CHSY3: variants seen among roughly 807,000 people sequenced by gnomAD.
CHSY3 encodes the protein chondroitin sulfate synthase 3, also known as N-acetylgalactosaminyl-proteoglycan 3-beta-glucuronosyltransferase 3.
CHSY3 carries 35 observed loss-of-function variants against 67.2 expected under a neutral mutation model. The ratio of observed to expected loss-of-function variants is 0.52; its 90% CI spans 0.40 to 0.69. CHSY3 has a LOEUF of 0.69. CHSY3 is among the 30% of genes least tolerant of loss of function. CHSY3 has a pLI of 0.00. For synonymous variants in CHSY3, 474 were observed against 434.7 expected, an observed-to-expected ratio of 1.09 and a Z score of -1.12; for missense variants, 1,069 against 1,138.5, an observed-to-expected ratio of 0.94 and a Z score of 0.88.
chr5:129,952,634 G>T (rs548575414), intron 2 of CHSY3, among the ~76,000 whole-genome samples: 9 of 152,190 alleles, frequency 5.9e-5, no homozygotes, highest in African/African-American at 2.2e-4. Context: ...TATAGAATTT[G>T]CCTAGCCTGT....
chr5:130,147,293 T>C (rs1769102562), intron 2 of CHSY3, among the ~76,000 whole-genome samples: 1 of 152,224 alleles, frequency 6.6e-6, no homozygotes, highest in Non-Finnish European at 1.5e-5. Flanking sequence ...TGAGCCAAAC[T>C]CTTTAAAGCA....
chr5:129,961,515 C>T (rs2149607825), intron 2 of CHSY3, among the ~76,000 whole-genome samples: 1 of 152,070 alleles, frequency 6.6e-6, no homozygotes, highest in South Asian at 2.1e-4. Flanking sequence ...ACACAGTATG[C>T]ACTTAGCCCT....
chr5:130,074,160 T>A (rs1054604044), intron 2 of CHSY3, among the ~76,000 whole-genome samples: 7 of 152,162 alleles, frequency 4.6e-5, no homozygotes, highest in Admixed American at 2.6e-4. Flanking sequence ...AACCTCCTCC[T>A]TCCAGGTTCA....
intron 2 of CHSY3, among the ~76,000 whole-genome samples, chr5:130,108,985 A>G (rs1767505865): frequency 6.6e-6 from 1 of 151,742 alleles, no homozygotes. Context: ...CCATTTGACT[A>G]TGAAGACATA....
intron 2 of CHSY3, among the ~76,000 whole-genome samples, chr5:130,010,254 T>C (rs1364586281): frequency 6.6e-6 from 1 of 152,134 alleles, no homozygotes; most frequent in Middle Eastern, 3.4e-3. Context: ...CTCAACAAAT[T>C]ATAAAAACCA....
At chr5:129,950,610 T>C (rs748892506) in intron 2 of CHSY3, among the ~76,000 whole-genome samples, 4 of 152,158 alleles carry the variant, frequency 2.6e-5, no homozygotes, top group Non-Finnish European at 5.9e-5. Context: ...AAATCAGTTG[T>C]TTTCCTGTAC....
intron 2 of CHSY3, among the ~76,000 whole-genome samples, chr5:130,033,457 T>C (rs971243587): frequency 6.6e-5 from 10 of 152,162 alleles, no homozygotes; most frequent in African/African-American, 2.2e-4. Context: ...TCCATAGATG[T>C]GCAATTACTG....
intron 2 of CHSY3, chr5:130,001,771 C>A: frequency 1.2e-6 from 1 of 827,106 alleles, no homozygotes; most frequent in Non-Finnish European, 1.5e-6. Context: ...TCTGAACATG[C>A]CCTCGCTGAT....
At chr5:129,999,462 T>C (rs1412694451) in intron 2 of CHSY3, among the ~76,000 whole-genome samples, 3 of 152,138 alleles carry the variant, frequency 2.0e-5, no homozygotes, top group African/African-American at 7.2e-5. Flanking sequence ...ATCTAGGCAA[T>C]GATAATGGCA....
At chr5:130,100,589 AT>A (rs1054780376) in intron 2 of CHSY3, among the ~76,000 whole-genome samples, 5 of 152,196 alleles carry the variant, frequency 3.3e-5, no homozygotes, top group East Asian at 3.8e-4. Context: ...ACAAAGTCAA[AT>A]TTAGGTCCCT....
At chr5:130,133,037 T>C (rs1026643990) in intron 2 of CHSY3, among the ~76,000 whole-genome samples, 5 of 152,190 alleles carry the variant, frequency 3.3e-5, no homozygotes, top group South Asian at 2.1e-4. Flanking sequence ...TATTATACTA[T>C]AGGGGCATAA....
chr5:130,107,758 T>A (rs1767456825), intron 2 of CHSY3, among the ~76,000 whole-genome samples: 1 of 151,598 alleles, frequency 6.6e-6, no homozygotes, highest in Admixed American at 6.6e-5. Flanking sequence ...CAGTTCAGTT[T>A]AATAATTAGG....
At chr5:129,995,689 A>T (rs1321304497) in intron 2 of CHSY3, among the ~76,000 whole-genome samples, 1 of 151,666 alleles carries the variant, frequency 6.6e-6, no homozygotes, top group Non-Finnish European at 1.5e-5. Context: ...TCTAGTCATT[A>T]GTTCTGACTC....
intron 2 of CHSY3, among the ~76,000 whole-genome samples, chr5:130,072,877 G>C (rs1766128261): frequency 1.3e-5 from 2 of 152,118 alleles, no homozygotes; most frequent in African/African-American, 4.8e-5. Context: ...TATGCTAAGT[G>C]AAATAAGTCA....
chr5:130,184,237 A>G lies in CHSY3; in HGVS notation c.1095A>G (p.Gln365=), dbSNP rs1197321758. The change falls in exon 3 of 3, where the codon CAA becomes CAG. Residue 365 remains glutamine, a synonymous_variant. Coordinates refer to ENST00000305031, the MANE Select transcript of CHSY3 (RefSeq NM_175856.5). ...TTAATTTTACTTTTCAGATGCAACA[A>G]CTGTTCCATGAAAATTATGAACACA... is the stretch of plus-strand genomic sequence containing the variant. ...TQCVWSYEMQ[Q]LFHENYEHNR... 6.5e-7 allele frequency: 1 copy of G among 1,536,998 alleles called. No individual in the cohort carries two copies. The highest frequency in any genetic ancestry group is 8.8e-7 in the Non-Finnish European group (1 of 1,140,602).
chr5:129,918,845 C>T (rs1293416869), intron 2 of CHSY3, among the ~76,000 whole-genome samples: 3 of 150,284 alleles, frequency 2.0e-5, no homozygotes, highest in South Asian at 2.1e-4. Context: ...CGGTGGCTCA[C>T]GCCTGTAATC....
intron 2 of CHSY3, among the ~76,000 whole-genome samples, chr5:129,948,025 T>C (rs1053590883): frequency 1.3e-5 from 2 of 152,204 alleles, no homozygotes; most frequent in Non-Finnish European, 2.9e-5. Context: ...ATCATATAAA[T>C]TGTTTGCAAA....
At chr5:130,091,847 A>C (rs1258583470) in intron 2 of CHSY3, among the ~76,000 whole-genome samples, 2 of 152,194 alleles carry the variant, frequency 1.3e-5, no homozygotes, top group African/African-American at 4.8e-5. Context: ...ATTTCTTGGT[A>C]CCGCAGGCTT....
At chr5:130,030,635 T>G (rs1047312944) in intron 2 of CHSY3, among the ~76,000 whole-genome samples, 4 of 152,172 alleles carry the variant, frequency 2.6e-5, no homozygotes, top group Non-Finnish European at 5.9e-5. Context: ...AAAGTTGATA[T>G]GTAAATAGTA....
Sources: gnomAD v4.1 joint callset for allele counts (sites outside exome capture counted in the v4.1 genomes callset) on GRCh38, gnomAD v4.1.1 for gene constraint, MANE v1.5 for transcripts, NCBI Gene and HGNC (gene_info 2026-07-23, HGNC 2026-07-21) for gene names.